Variants in SNX29 observed in about 807,000 individuals in gnomAD.
SNX29 encodes sorting nexin 29, also known as sorting nexin-29.
In SNX29, 78 loss-of-function variants were observed where a neutral mutation model predicts 102.1. The observed-to-expected ratio is 0.76, with a 90% CI of 0.64 to 0.92. The LOEUF is 0.92. Ranked by LOEUF, SNX29 falls within the 40% of genes least tolerant of loss-of-function variation. The pLI is 0.00. For missense variants in SNX29, 1,280 were observed against 1,061.7 expected, an observed-to-expected ratio of 1.21 and a Z score of -2.86; for synonymous variants, 580 against 414.5, an observed-to-expected ratio of 1.40 and a Z score of -4.85.
intron 18 of SNX29, among the ~76,000 whole-genome samples, chr16:12,432,304 G>C (rs548460543): frequency 2.6e-5 from 4 of 152,210 alleles, no homozygotes; most frequent in Non-Finnish European, 1.5e-5. Context: ...CTTGACCCTG[G>C]TTCTCCAGAA....
At chr16:12,417,646 T>C (rs909309523) in intron 18 of SNX29, among the ~76,000 whole-genome samples, 2 of 152,058 alleles carry the variant, frequency 1.3e-5, no homozygotes, top group Non-Finnish European at 2.9e-5. Flanking sequence ...CTTTTCCCTG[T>C]CATTTCCCTC....
At chr16:12,329,283 A>AAAAAAAG (rs2081223468) in intron 15 of SNX29, among the ~76,000 whole-genome samples, 3 of 150,958 alleles carry the variant, frequency 2.0e-5, no homozygotes, top group Admixed American at 2.0e-4. Flanking sequence ...TCTCAAAAAA[A>AAAAAAAG]AAAAAAAAAA....
intron 15 of SNX29, among the ~76,000 whole-genome samples, chr16:12,351,260 T>A (rs2081984643): frequency 6.6e-6 from 1 of 152,204 alleles, no homozygotes; most frequent in Non-Finnish European, 1.5e-5. Context: ...AGGTTCACTT[T>A]TTAACAAAAC....
At chr16:12,543,690 A>G (rs2077450217) in intron 20 of SNX29, among the ~76,000 whole-genome samples, 1 of 152,246 alleles carries the variant, frequency 6.6e-6, no homozygotes, top group African/African-American at 2.4e-5. Flanking sequence ...AGCCAGTCGT[A>G]TCAGAAAATA....
chr16:12,552,710 G>A (rs1018611488), intron 20 of SNX29, among the ~76,000 whole-genome samples: 6 of 152,128 alleles, frequency 3.9e-5, no homozygotes, highest in East Asian at 1.9e-4. Context: ...TTAGATTGGG[G>A]GACTGATAGA....
intron 14 of SNX29, among the ~76,000 whole-genome samples, chr16:12,206,786 C>G (rs1292485324): frequency 2.0e-5 from 3 of 147,188 alleles, no homozygotes; most frequent in Non-Finnish European, 3.0e-5. Context: ...CCCACCCAGA[C>G]CCAAAAATCA....
At chr16:12,350,315 G>A (rs938025464) in intron 15 of SNX29, among the ~76,000 whole-genome samples, 12 of 152,104 alleles carry the variant, frequency 7.9e-5, no homozygotes, top group Non-Finnish European at 1.5e-4. Context: ...TAAACAATAT[G>A]GTAGAACAAT....
chr16:12,258,192 A>G (rs1567365372), intron 14 of SNX29, among the ~76,000 whole-genome samples: 1 of 152,084 alleles, frequency 6.6e-6, no homozygotes, highest in African/African-American at 2.4e-5. Context: ...TGAGAATAAG[A>G]TATGAAGTTT....
chr16:12,158,527 C>T (rs538583887), intron 13 of SNX29, among the ~76,000 whole-genome samples: 1 of 152,276 alleles, frequency 6.6e-6, no homozygotes, highest in Non-Finnish European at 1.5e-5. Flanking sequence ...ATGTGGGCAC[C>T]CAGTAGTCCT....
intron 14 of SNX29, among the ~76,000 whole-genome samples, chr16:12,226,161 A>C (rs2077605767): frequency 6.6e-6 from 1 of 152,182 alleles, no homozygotes; most frequent in African/African-American, 2.4e-5. Flanking sequence ...GAGATCTGAA[A>C]AGTGCTCTAT....
At chr16:12,190,105 GT>G (rs2076605397) in intron 13 of SNX29, among the ~76,000 whole-genome samples, 1 of 152,110 alleles carries the variant, frequency 6.6e-6, no homozygotes, top group Admixed American at 6.5e-5. Context: ...GAAAGTCAGG[GT>G]TATGGGGAGA....
At position 12,216,322 on chromosome 16, in the gene SNX29, C is replaced by T. The variant is rs369803917; in HGVS notation, c.1678+16639C>T. On this transcript the variant is annotated intron_variant, in intron 14 of 20. Coordinates refer to ENST00000566228, the MANE Select transcript of SNX29 (RefSeq NM_032167.5). ...CTCTGCCTGAAGGGCTTTGTGACCC[C>T]TCCCCTGACCCTTTCCTTGACACAT... Among the ~76,000 whole-genome samples the T allele has an allele frequency of 3.9e-5, 6 of 152,310 alleles. No individual in the cohort carries two copies. The East Asian group carries it at 9.7e-4, about 25-fold the overall frequency.
intron 18 of SNX29, among the ~76,000 whole-genome samples, chr16:12,473,394 T>G (rs1197220905): frequency 6.6e-6 from 1 of 152,172 alleles, no homozygotes; most frequent in Non-Finnish European, 1.5e-5. Flanking sequence ...GAGACCTTTC[T>G]GAGAACACAG....
At chr16:12,415,953 C>T (rs894059493) in intron 18 of SNX29, among the ~76,000 whole-genome samples, 3 of 152,132 alleles carry the variant, frequency 2.0e-5, no homozygotes, top group Admixed American at 6.5e-5. Flanking sequence ...CTGTACAGCT[C>T]GTCCTGGGAG....
intron 4 of SNX29, 165 bp downstream of exon 4, chr16:12,027,609 G>A: frequency 1.4e-6 from 1 of 734,800 alleles, no homozygotes; most frequent in Non-Finnish European, 2.1e-6. Context: ...ACGTAATGGT[G>A]TTGTCTGGCA....
chr16:12,564,842 A>G (rs1388927310), intron 20 of SNX29, among the ~76,000 whole-genome samples: 2 of 151,774 alleles, frequency 1.3e-5, no homozygotes, highest in Non-Finnish European at 2.9e-5. Flanking sequence ...TGAAGTCGGC[A>G]GCTAACAAGG....
At chr16:11,982,872 T>C (rs2055454039) in intron 1 of SNX29, among the ~76,000 whole-genome samples, 1 of 152,224 alleles carries the variant, frequency 6.6e-6, no homozygotes, top group South Asian at 2.1e-4. Context: ...TTTACTGCTG[T>C]TTCTTGCCTG....
chr16:12,142,965 T>C (rs908031195), intron 13 of SNX29, among the ~76,000 whole-genome samples: 5 of 151,858 alleles, frequency 3.3e-5, no homozygotes, highest in African/African-American at 1.2e-4. Flanking sequence ...CTGTGGGTGC[T>C]AGAAATTGAA....
chr16:12,257,510 T>TCTCC (rs890262073), intron 14 of SNX29, among the ~76,000 whole-genome samples: 3 of 151,566 alleles, frequency 2.0e-5, no homozygotes, highest in African/African-American at 4.9e-5. Flanking sequence ...CATCTCTCTC[T>TCTCC]CTCTCTCTCT....
Sources: allele counts gnomAD v4.1 joint callset (sites outside exome capture counted in the v4.1 genomes callset), GRCh38; gene constraint gnomAD v4.1.1; transcripts MANE v1.5; gene names NCBI Gene and HGNC (gene_info 2026-07-23, HGNC 2026-07-21).